The following WWP1 variants were observed in gnomAD, a reference collection of about 807,000 sequenced individuals.
WWP1 encodes NEDD4-like E3 ubiquitin-protein ligase WWP1.
WWP1 carries 49 observed loss-of-function variants against 130.6 expected under a neutral mutation model. The observed-to-expected ratio is 0.38, with a 90% CI of 0.30 to 0.48. The LOEUF is 0.48. WWP1 is among the 20% of genes least tolerant of loss of function. WWP1 has a pLI of 0.99. For missense variants in WWP1, 809 were observed against 1,100.6 expected (o/e 0.74, Z 3.75); for synonymous variants, 332 against 367.8 (o/e 0.90, Z 1.11).
intron 8 of WWP1, among the ~76,000 whole-genome samples, chr8:86,406,083 G>A (rs1808263589): frequency 6.6e-6 from 1 of 152,102 alleles, no homozygotes; most frequent in Admixed American, 6.5e-5. Context: ...AAAATGGGAG[G>A]CAGTCATGAT....
In WWP1 at chr8:86,457,927, T is replaced by C. The variant is rs774628305; in HGVS notation, c.2401T>C (p.Leu801=). The C allele has an allele frequency of 1.9e-6, 3 of 1,613,224 alleles. No homozygotes were observed. The highest frequency in any genetic ancestry group is 2.2e-5 in the East Asian group (1 of 44,836). ...TTCTGTGCTCATTTCCCAGGTTATG[T>C]TGTGTGGCATGCAGGAGGTTGACTT... ...YFDEKELEVM[L]CGMQEVDLAD... is the part of the protein sequence containing the mutation. The change falls in exon 22 of 25, where the codon TTG becomes CTG. Residue 801 remains leucine (L), a synonymous_variant. Coordinates refer to ENST00000517970, the MANE Select transcript of WWP1 (RefSeq NM_007013.4).
intron 9 of WWP1, among the ~76,000 whole-genome samples, chr8:86,423,950 CCCA>C (rs1563519036): frequency 0.062 from 135 of 2,188 alleles, 4 homozygotes; most frequent in African/African-American, 0.13. Flanking sequence ...GGGGGCTGCC[CCCA>C]TAAGCGCTAA....
Position 86,430,694 on chromosome 8 carries a change from C to A in WWP1, c.1333-3C>A, listed in dbSNP as rs760462031. The A allele has an allele frequency of 6.3e-7, 1 of 1,583,118 alleles. No individual in the cohort carries two copies. The highest frequency in any genetic ancestry group is 1.7e-5 in the Admixed American group (1 of 57,550). ...TTCTCTCCCTAATCTTTTCTCCAAT[C>A]AGGCTTCAATGTTAGCTGCAGAAAA... On this transcript the variant is annotated splice_region_variant and splice_polypyrimidine_tract_variant and intron_variant, in intron 11 of 24. Coordinates refer to ENST00000517970, the MANE Select transcript of WWP1 (RefSeq NM_007013.4).
intron 7 of WWP1, among the ~76,000 whole-genome samples, chr8:86,401,179 A>G (rs1390877996): frequency 6.6e-6 from 1 of 152,126 alleles, no homozygotes; most frequent in South Asian, 2.1e-4. Context: ...ATCATCCTGT[A>G]GTCATGATTT....
chr8:86,385,262 T>A (rs1421475268), intron 5 of WWP1, among the ~76,000 whole-genome samples: 1 of 152,176 alleles, frequency 6.6e-6, no homozygotes, highest in Non-Finnish European at 1.5e-5. Flanking sequence ...TGTATAAGGC[T>A]CCAGTGGAGG....
At chr8:86,457,425 G>A (rs1468200824) in intron 21 of WWP1, among the ~76,000 whole-genome samples, 1 of 150,542 alleles carries the variant, frequency 6.6e-6, no homozygotes, top group African/African-American at 2.4e-5. Flanking sequence ...CTGTCTGTCT[G>A]TCTGTCTATC....
chr8:86,402,809 T>G (rs1808069534), intron 8 of WWP1, among the ~76,000 whole-genome samples: 1 of 152,232 alleles, frequency 6.6e-6, no homozygotes, highest in Non-Finnish European at 1.5e-5. Flanking sequence ...ATAAAATATA[T>G]TTCTGAAAGA....
intron 1 of WWP1, among the ~76,000 whole-genome samples, chr8:86,362,996 G>A (rs781414117): frequency 4.9e-4 from 75 of 152,032 alleles, no homozygotes; most frequent in South Asian, 4.2e-4. Context: ...TAATAATTTA[G>A]CATTTATATA....
intron 21 of WWP1, among the ~76,000 whole-genome samples, chr8:86,455,814 G>A (rs1422084271): frequency 6.6e-6 from 1 of 151,894 alleles, no homozygotes; most frequent in African/African-American, 2.4e-5. Context: ...GAAGAGCAAA[G>A]CCAATTTTGA....
intron 8 of WWP1, among the ~76,000 whole-genome samples, chr8:86,410,143 T>A (rs1188009356): frequency 6.6e-6 from 1 of 152,258 alleles, no homozygotes; most frequent in Non-Finnish European, 1.5e-5. Flanking sequence ...TTGTTCAGTT[T>A]CAGCTTTGAA....
At chr8:86,349,897 G>A (rs563307262) in intron 1 of WWP1, among the ~76,000 whole-genome samples, 2 of 152,038 alleles carry the variant, frequency 1.3e-5, no homozygotes, top group Admixed American at 6.5e-5. Flanking sequence ...GGCAGAGATC[G>A]ATTCCCTCTG....
intron 8 of WWP1, among the ~76,000 whole-genome samples, chr8:86,406,979 A>T (rs1159294681): frequency 1.3e-5 from 2 of 152,236 alleles, no homozygotes; most frequent in African/African-American, 4.8e-5. Flanking sequence ...GATATACCAT[A>T]AAGTTCATGT....
chr8:86,438,540 T>C (rs762147933), intron 16 of WWP1, 45 bp from the exon 17 acceptor site: 3 of 1,409,702 alleles, frequency 2.1e-6, no homozygotes, highest in Non-Finnish European at 2.9e-6. Flanking sequence ...AAGGAACTTG[T>C]ACTGCATGTG....
chr8:86,468,473 G>A lies in WWP1; in HGVS notation c.*1580G>A, dbSNP rs1243279244. On this transcript the variant is annotated 3_prime_UTR_variant, in exon 25 of 25. Transcript: ENST00000517970. Reference sequence around the variant, plus strand: ...AATGTATGTGACAGGTTATGTGATAGAGGGAAACTGGCCTTCAAAAAGGAC... The same window carrying A: ...AATGTATGTGACAGGTTATGTGATAAAGGGAAACTGGCCTTCAAAAAGGAC... 9.4e-6 allele frequency: 4 copies of A among 426,174 alleles called. No homozygotes were observed. The highest frequency in any genetic ancestry group is 3.4e-4 in the Middle Eastern group (1 of 2,908). The allele number at this position is 426,174 out of a possible 1,614,324, so 26.4% of individuals were successfully genotyped here. A position where few individuals can be genotyped will look rare whatever the true frequency, so the allele number is the denominator to read the frequency against.
At chr8:86,429,804 G>A (rs969772414) in intron 11 of WWP1, among the ~76,000 whole-genome samples, 2 of 152,156 alleles carry the variant, frequency 1.3e-5, no homozygotes, top group African/African-American at 4.8e-5. Flanking sequence ...GAAGGACTGG[G>A]AGAGTAAAGT....
chr8:86,436,951 A>AT (rs34999529), intron 16 of WWP1, among the ~76,000 whole-genome samples: 40,534 of 149,234 alleles, frequency 0.27, 6,170 homozygotes, highest in East Asian at 0.53. Flanking sequence ...TATCAAGTTG[A>AT]TTTTTTTTTT....
chr8:86,366,587 T>G (rs117198762), intron 1 of WWP1, among the ~76,000 whole-genome samples: 2,109 of 152,286 alleles, frequency 0.014, 21 homozygotes, highest in South Asian at 0.027. Flanking sequence ...CCTTTCTGAA[T>G]TTGCAGGTCA....
At chr8:86,427,609 G>A in intron 10 of WWP1, 34 bp from the exon 11 acceptor site, 4 of 1,519,484 alleles carry the variant, frequency 2.6e-6, no homozygotes, top group Non-Finnish European at 3.6e-6. Context: ...CTTATATTGA[G>A]AGATTATTGT....
At chr8:86,430,599 T>C (rs1247769076) in intron 11 of WWP1, 98 bp from the exon 12 acceptor site, 1 of 1,005,848 alleles carries the variant, frequency 9.9e-7, no homozygotes, top group African/African-American at 1.7e-5. Context: ...TTTAGAAAAT[T>C]ATTATAAAAT....
Sources: gnomAD v4.1 joint callset for allele counts (sites outside exome capture counted in the v4.1 genomes callset) on GRCh38, gnomAD v4.1.1 for gene constraint, MANE v1.5 for transcripts, NCBI Gene and HGNC (gene_info 2026-07-23, HGNC 2026-07-21) for gene names.